Variants in ARHGEF28 observed in about 807,000 individuals in gnomAD.
ARHGEF28 encodes 190 kDa guanine nucleotide exchange factor.
A neutral mutation model predicts 206.6 loss-of-function variants in ARHGEF28; 152 were observed. The observed-to-expected ratio is 0.74, with a 90% CI of 0.64 to 0.84. ARHGEF28 has a LOEUF of 0.84. Among genes scored for constraint, ARHGEF28 ranks in the 40% least tolerant of loss-of-function variants. The probability of loss-of-function intolerance (pLI) is 0.00; values close to 1 mark genes in which losing one functional copy is unlikely to be tolerated. For missense variants in ARHGEF28, 2,028 were observed against 2,073.2 expected, an observed-to-expected ratio of 0.98 and a Z score of 0.42; for synonymous variants, 763 against 776.4, an observed-to-expected ratio of 0.98 and a Z score of 0.29.
chr5:73,924,309 G>T (rs1379610820), intron 35 of ARHGEF28, among the ~76,000 whole-genome samples: 1 of 152,182 alleles, frequency 6.6e-6, no homozygotes, highest in Non-Finnish European at 1.5e-5. Flanking sequence ...ATTATGCCTA[G>T]GTTCAGATTC....
intron 26 of ARHGEF28, among the ~76,000 whole-genome samples, chr5:73,889,132 C>T (rs1314112367): frequency 7.2e-5 from 11 of 152,202 alleles, no homozygotes; most frequent in Admixed American, 7.2e-4. Context: ...AAGCATTTGG[C>T]TAGGGATATA....
intron 16 of ARHGEF28, among the ~76,000 whole-genome samples, chr5:73,862,570 A>G (rs981107231): frequency 6.6e-5 from 10 of 151,956 alleles, no homozygotes; most frequent in Admixed American, 5.9e-4. Flanking sequence ...TTCTCCAGGG[A>G]TTTGGCAAGA....
intron 18 of ARHGEF28, among the ~76,000 whole-genome samples, chr5:73,867,460 C>T (rs567084862): frequency 6.6e-6 from 1 of 152,304 alleles, no homozygotes; most frequent in East Asian, 1.9e-4. Context: ...ATTCCATTGA[C>T]GTGTTCTCTG....
chr5:73,832,262 G>T, intron 9 of ARHGEF28, 76 bp from the exon 10 acceptor site: 3 of 1,537,072 alleles, frequency 2.0e-6, no homozygotes, highest in Admixed American at 1.9e-5. Context: ...TTTTCTTATG[G>T]TCTAAGAAGG....
At chr5:73,939,890 A>T (rs912337188) in intron 35 of ARHGEF28, among the ~76,000 whole-genome samples, 1 of 151,842 alleles carries the variant, frequency 6.6e-6, no homozygotes, top group Admixed American at 6.6e-5. Flanking sequence ...TGTTCTTTAA[A>T]TTTTTTTTTA....
At chr5:73,697,368 C>T (rs1029414456) in intron 2 of ARHGEF28, among the ~76,000 whole-genome samples, 1 of 152,088 alleles carries the variant, frequency 6.6e-6, no homozygotes, top group South Asian at 2.1e-4. Context: ...ATCTGTTTTC[C>T]ATTACTTATA....
intron 35 of ARHGEF28, among the ~76,000 whole-genome samples, chr5:73,932,054 G>C (rs1764156594): frequency 6.6e-6 from 1 of 152,154 alleles, no homozygotes; most frequent in East Asian, 1.9e-4. Flanking sequence ...TAAAAGGTTA[G>C]TGTTCTAAGA....
intron 7 of ARHGEF28, among the ~76,000 whole-genome samples, chr5:73,784,826 T>A (rs188424226): frequency 1.8e-4 from 27 of 152,302 alleles, no homozygotes; most frequent in African/African-American, 6.0e-4. Context: ...AGTAGAACAA[T>A]TATAACAATA....
chr5:73,657,366 A>T (rs1745290127), intron 1 of ARHGEF28, among the ~76,000 whole-genome samples: 1 of 152,162 alleles, frequency 6.6e-6, no homozygotes, highest in African/African-American at 2.4e-5. Context: ...GTGAAATTTC[A>T]TACACGATAC....
intron 1 of ARHGEF28, among the ~76,000 whole-genome samples, chr5:73,633,571 T>A (rs1440582807): frequency 2.9e-5 from 2 of 69,744 alleles, no homozygotes. Context: ...ATACCTTTAA[T>A]TTTTTTTTTT....
intron 27 of ARHGEF28, among the ~76,000 whole-genome samples, chr5:73,892,761 A>G (rs1457879915): frequency 6.6e-6 from 1 of 152,178 alleles, no homozygotes; most frequent in African/African-American, 2.4e-5. Flanking sequence ...TACTTGTGCA[A>G]GGACAGTTTT....
At chr5:73,818,377 A>T (rs62357727) in intron 9 of ARHGEF28, among the ~76,000 whole-genome samples, 1 of 42,078 alleles carries the variant, frequency 2.4e-5, no homozygotes, top group Non-Finnish European at 6.4e-5. Context: ...TCATGGGCTT[A>T]TTTGTCTTTT....
At position 73,885,962 on chromosome 5, in the gene ARHGEF28, G is replaced by A; in HGVS notation, c.3168G>A (p.Glu1056=). 1 of 1,613,588 alleles carries A rather than the reference G, an allele frequency of 6.2e-7. No individual in the cohort carries two copies. The change falls in exon 25 of 36, where the codon GAG becomes GAA. Residue 1056 remains glutamate (E), a synonymous_variant. Coordinates refer to ENST00000513042, the MANE Select transcript of ARHGEF28 (RefSeq NM_001177693.2). ...ATGAGAAAAACCAAAAATGGCTTGA[G>A]ATCCTAAATAAGATTGAAAACAAAA... is the stretch of plus-strand genomic sequence containing the variant. ...NEYEKNQKWL[E]ILNKIENKTY... is the part of the protein sequence containing the mutation.
intron 4 of ARHGEF28, among the ~76,000 whole-genome samples, chr5:73,769,651 G>A (rs959821551): frequency 7.9e-5 from 12 of 152,092 alleles, no homozygotes; most frequent in East Asian, 5.8e-4. Flanking sequence ...TTCTTGCTAG[G>A]GTTTATAGGT....
At chr5:73,869,301 C>T (rs1399518451) in intron 20 of ARHGEF28, among the ~76,000 whole-genome samples, 1 of 151,750 alleles carries the variant, frequency 6.6e-6, no homozygotes, top group Non-Finnish European at 1.5e-5. Context: ...TCATTTGTGA[C>T]TCAAGTACTT....
chr5:73,775,353 A>G (rs1753482326), intron 5 of ARHGEF28, among the ~76,000 whole-genome samples: 1 of 152,206 alleles, frequency 6.6e-6, no homozygotes, highest in Admixed American at 6.5e-5. Flanking sequence ...GAGCTTCCAT[A>G]TTCTAAATTA....
intron 35 of ARHGEF28, among the ~76,000 whole-genome samples, chr5:73,932,479 G>A (rs921865954): frequency 3.3e-5 from 5 of 152,128 alleles, no homozygotes; most frequent in Non-Finnish European, 2.9e-5. Context: ...GGAAGTTCCA[G>A]GTAAAGTTAT....
intron 2 of ARHGEF28, among the ~76,000 whole-genome samples, chr5:73,694,256 A>G (rs532396046): frequency 6.6e-6 from 1 of 152,326 alleles, no homozygotes; most frequent in East Asian, 1.9e-4. Flanking sequence ...ATACAACTAC[A>G]GAAGACCACA....
intron 1 of ARHGEF28, among the ~76,000 whole-genome samples, chr5:73,630,164 A>T (rs1743273150): frequency 6.6e-6 from 1 of 152,354 alleles, no homozygotes; most frequent in Non-Finnish European, 1.5e-5. Context: ...TAAATAGATG[A>T]AGCGTATATT....
Sources: gnomAD v4.1 joint callset for allele counts (sites outside exome capture counted in the v4.1 genomes callset) on GRCh38, gnomAD v4.1.1 for gene constraint, MANE v1.5 for transcripts, NCBI Gene and HGNC (gene_info 2026-07-23, HGNC 2026-07-21) for gene names.